The following DNAH6 variants were observed in gnomAD, a reference collection of about 807,000 sequenced individuals.
DNAH6 encodes the protein dynein axonemal heavy chain 6.
DNAH6 carries 340 observed loss-of-function variants against 491.4 expected under a neutral mutation model. The observed-to-expected ratio is 0.69, with a 90% CI of 0.63 to 0.76. The LOEUF (loss-of-function observed/expected upper bound fraction) is 0.76. DNAH6 is among the 30% of genes least tolerant of loss of function. DNAH6 has a pLI of 0.00. For missense variants in DNAH6, 4,443 were observed against 4,972.2 expected (o/e 0.89, Z 3.20); for synonymous variants, 1,603 against 1,686.1 (o/e 0.95, Z 1.21).
chr2:84,631,624 A>C (rs545731648), intron 29 of DNAH6, among the ~76,000 whole-genome samples: 100 of 152,328 alleles, frequency 6.6e-4, no homozygotes, highest in African/African-American at 2.3e-3. Context: ...GTGAAGATAC[A>C]CAGGAGGTGG....
At chr2:84,512,363 CAA>C (rs1558648748), upstream of DNAH6, among the ~76,000 whole-genome samples, 1 of 152,136 alleles carries the variant, frequency 6.6e-6, no homozygotes, top group Non-Finnish European at 1.5e-5. Flanking sequence ...TATGAGAGAA[CAA>C]GAGAGGGTCC....
intron 11 of DNAH6, among the ~76,000 whole-genome samples, chr2:84,564,095 G>A (rs1680933400): frequency 6.6e-6 from 1 of 152,080 alleles, no homozygotes; most frequent in Middle Eastern, 3.2e-3. Flanking sequence ...TTTGGTTACT[G>A]TAGCCTTGTA....
intron 14 of DNAH6, among the ~76,000 whole-genome samples, chr2:84,580,669 G>C (rs2104006871): frequency 6.6e-6 from 1 of 152,196 alleles, no homozygotes; most frequent in East Asian, 1.9e-4. Context: ...GATGATCATG[G>C]TTCTCTTCAG....
chr2:84,746,320 A>ACTT, intron 63 of DNAH6, among the ~76,000 whole-genome samples: 1 of 152,242 alleles, frequency 6.6e-6, no homozygotes, highest in East Asian at 1.9e-4. Flanking sequence ...ATTGCCACCA[A>ACTT]CTTTTAAAAG....
chr2:84,740,238 G>A (rs139232372), intron 62 of DNAH6, among the ~76,000 whole-genome samples: 15 of 152,222 alleles, frequency 9.9e-5, no homozygotes, highest in South Asian at 2.1e-4. Flanking sequence ...ATTTGGTGGC[G>A]TAATTCAGGA....
At chr2:84,642,419 C>T (rs998282677) in intron 33 of DNAH6, among the ~76,000 whole-genome samples, 2 of 152,034 alleles carry the variant, frequency 1.3e-5, no homozygotes, top group Admixed American at 1.3e-4. Context: ...TTACATTTCT[C>T]CACGTTATAC....
chr2:84,804,860 G>A (rs1433139355), intron 70 of DNAH6, among the ~76,000 whole-genome samples: 4 of 151,968 alleles, frequency 2.6e-5, no homozygotes, highest in Non-Finnish European at 5.9e-5. Context: ...CTGTTGCCCT[G>A]GCTAGAGTGC....
At chr2:84,708,509 G>T (rs1383131929) in intron 54 of DNAH6, among the ~76,000 whole-genome samples, 2 of 140,056 alleles carry the variant, frequency 1.4e-5, no homozygotes, top group Non-Finnish European at 3.1e-5. Context: ...GGAAGGAAGG[G>T]AAAGAAAGAA....
intron 64 of DNAH6, among the ~76,000 whole-genome samples, chr2:84,776,450 A>G (rs1676132868): frequency 1.3e-5 from 2 of 152,360 alleles, no homozygotes; most frequent in South Asian, 2.1e-4. Context: ...AGTGGATCTT[A>G]AAATATAACT....
intron 60 of DNAH6, among the ~76,000 whole-genome samples, chr2:84,725,404 A>G (rs1698533418): frequency 6.6e-6 from 1 of 152,178 alleles, no homozygotes; most frequent in Admixed American, 6.5e-5. Flanking sequence ...AGCCTTTGAA[A>G]GCCATCTGTG....
Position 84,608,814 on chromosome 2 carries a change from G to C in DNAH6, c.3294+1719G>C, listed in dbSNP as rs60279483. The stretch of plus-strand genomic sequence containing the variant: ...CCTGTCCTTTGAATCTTTGAAGCCA[G>C]GCATTGGCTAATCTTCATTAGCTAT... On this transcript the variant is annotated intron_variant, in intron 21 of 76. Coordinates refer to ENST00000389394, the MANE Select transcript of DNAH6 (RefSeq NM_001370.2). 8.9e-3 allele frequency among the ~76,000 whole-genome samples: 1,361 copies of C among 152,278 alleles called. 12 individuals carry two copies. The highest frequency in any genetic ancestry group is 0.031 in the African/African-American group (1,279 of 41,556).
intron 42 of DNAH6, among the ~76,000 whole-genome samples, chr2:84,684,138 C>A (rs774619142): frequency 3.3e-5 from 5 of 152,192 alleles, no homozygotes; most frequent in Non-Finnish European, 7.3e-5. Context: ...AATTTGTTTT[C>A]TCTTCCTCCA....
intron 64 of DNAH6, among the ~76,000 whole-genome samples, chr2:84,775,044 TA>T (rs943455612): frequency 6.6e-6 from 1 of 152,184 alleles, no homozygotes; most frequent in African/African-American, 2.4e-5. Flanking sequence ...AGTACTATGT[TA>T]AAAAGGAGTG....
chr2:84,622,051 A>G (rs997778707), intron 26 of DNAH6, among the ~76,000 whole-genome samples: 2 of 152,236 alleles, frequency 1.3e-5, no homozygotes, highest in Non-Finnish European at 2.9e-5. Flanking sequence ...ATTTTGCTAA[A>G]TAGCATTTAA....
chr2:84,711,222 C>T (rs953569032), intron 56 of DNAH6, among the ~76,000 whole-genome samples: 5 of 152,178 alleles, frequency 3.3e-5, no homozygotes, highest in African/African-American at 1.2e-4. Context: ...TAAGCTGTGA[C>T]CTATGTGATG....
rs1188784059 is a variant in DNAH6 at position 84,619,712 on chromosome 2, T to G, written c.3600T>G (p.Leu1200=). The part of the protein sequence containing the change: ...PRFYFLSNDE[L]LEILAQTRNP... ...TTTACTTCTTGTCAAATGATGAACT[T>G]CTGGAGATTTTGGCCCAGACACGAA... Residue 1200 remains leucine (L), a synonymous_variant, in exon 24 of 77, where the codon CTT becomes CTG. Transcript: ENST00000389394. 2 of 1,551,542 alleles carry G rather than the reference T, an allele frequency of 1.3e-6. No homozygotes were observed. The highest frequency in any genetic ancestry group is 2.4e-5 in the South Asian group (2 of 84,056).
At chr2:84,654,613 G>A (rs997114149) in intron 34 of DNAH6, 47 bp from the exon 35 acceptor site, 39 of 1,545,886 alleles carry the variant, frequency 2.5e-5, no homozygotes, top group Non-Finnish European at 3.0e-5. Context: ...GGAGAAATAA[G>A]GAAGTATCAT....
Position 84,797,693 on chromosome 2 carries a change from G to C in DNAH6, c.11481+35G>C, listed in dbSNP as rs375330464. 1.9e-4 allele frequency: 287 copies of C among 1,521,518 alleles called. 4 individuals are homozygous for C. The South Asian group carries it at 3.3e-3, about 17-fold the overall frequency. The allele number at this position is 1,521,518 out of a possible 1,614,324, so 94.3% of individuals were successfully genotyped here. Reference sequence around the variant, plus strand: ...CTTTCATCTTAAAATACATATTTATGTTGTGTATGTAAACTCAAAACATCA... The same window carrying C: ...CTTTCATCTTAAAATACATATTTATCTTGTGTATGTAAACTCAAAACATCA... On this transcript the variant is annotated intron_variant, in intron 70 of 76. Coordinates refer to ENST00000389394, the MANE Select transcript of DNAH6 (RefSeq NM_001370.2).
chr2:84,619,107 G>GT (rs1687148800), intron 23 of DNAH6, among the ~76,000 whole-genome samples: 2 of 152,126 alleles, frequency 1.3e-5, no homozygotes, highest in African/African-American at 4.8e-5. Flanking sequence ...TTTCTACATA[G>GT]GTATAGCCTC....
Sources: allele counts gnomAD v4.1 joint callset (sites outside exome capture counted in the v4.1 genomes callset), GRCh38; gene constraint gnomAD v4.1.1; transcripts MANE v1.5; gene names NCBI Gene and HGNC (gene_info 2026-07-23, HGNC 2026-07-21).